The following ZNF334 variants were observed in gnomAD, a reference collection of about 807,000 sequenced individuals.
The protein encoded by ZNF334 is zinc finger protein 334.
ZNF334 carries 14 observed loss-of-function variants against 12.4 expected under a neutral mutation model. The observed-to-expected ratio is 1.13, with a 90% CI of 0.74 to 1.76. The LOEUF (loss-of-function observed/expected upper bound fraction) is 1.76. Among genes scored for constraint, ZNF334 ranks in the 40% most tolerant of loss-of-function variants. The pLI, the probability that ZNF334 is intolerant of heterozygous loss-of-function variation, is 0.00. For missense variants in ZNF334, 797 were observed against 804.5 expected (o/e 0.99, Z 0.11); for synonymous variants, 273 against 269.6 (o/e 1.01, Z -0.12).
At chr20:46,467,910 T>C in the ZNF334 span, among the ~76,000 whole-genome samples, 1 of 152,212 alleles carries the variant, frequency 6.6e-6, no homozygotes, top group African/African-American at 2.4e-5. Context: ...ATGGATTTGA[T>C]TGTTAAATGG....
In ZNF334 at chr20:46,502,029, T is replaced by C; in HGVS notation, c.1310A>G (p.Gln437Arg). The part of the protein sequence containing the change: ...HTGEKPYECS[Q>R]CGKFLCTKSA... ...TTTCGTACATAAAAATTTTCCACAT[T>C]GACTGCATTCATAGGGCTTCTCTCC... is the stretch of plus-strand genomic sequence containing the variant. Residue 437 changes from glutamine to arginine, a missense_variant, in exon 5 of 5, where the codon CAA (glutamine) becomes CGA (arginine). Coordinates refer to ENST00000692313, the MANE Select transcript of ZNF334 (RefSeq NM_001353824.2). 1 of 1,614,160 alleles carries C rather than the reference T, an allele frequency of 6.2e-7. No homozygotes were observed. The highest frequency in any genetic ancestry group is 8.5e-7 in the Non-Finnish European group (1 of 1,180,020).
intron 2 of ZNF334, 200 bp from the exon 3 acceptor site, chr20:46,504,940 T>A: frequency 2.2e-6 from 1 of 454,698 alleles, no homozygotes; most frequent in Non-Finnish European, 3.8e-6. Flanking sequence ...TTATACCATG[T>A]CCTGGAGCTA....
the ZNF334 span, chr20:46,465,079 C>T: frequency 3.5e-6 from 1 of 286,020 alleles, no homozygotes; most frequent in African/African-American, 2.3e-5. Flanking sequence ...CAGTTATGTC[C>T]TTCCTTACAA....
the ZNF334 span, among the ~76,000 whole-genome samples, chr20:46,488,297 T>C: frequency 2.0e-5 from 3 of 150,910 alleles, no homozygotes; most frequent in Non-Finnish European, 4.4e-5. Flanking sequence ...GCTGTAACTC[T>C]ATTTTAGTGG....
At chr20:46,494,927 C>T (rs1444271354), downstream of ZNF334, among the ~76,000 whole-genome samples, 1 of 152,170 alleles carries the variant, frequency 6.6e-6, no homozygotes. Flanking sequence ...AATTCCTAAA[C>T]CCAATGTCTC....
chr20:46,497,313 AC>A (rs1703373116), downstream of ZNF334, among the ~76,000 whole-genome samples: 1 of 152,256 alleles, frequency 6.6e-6, no homozygotes, highest in African/African-American at 2.4e-5. Flanking sequence ...TGGTCTAGAT[AC>A]GATGGAACAA....
At chr20:46,485,769 G>A in the ZNF334 span, 1 of 152,068 alleles carries the variant, frequency 6.6e-6, no homozygotes, top group Non-Finnish European at 1.5e-5. Flanking sequence ...TTTAAGCTAT[G>A]GGCATTTTGG....
rs60244401 is a variant in ZNF334, at chr20:46,511,053, T to G, written c.21+1029A>C. On this transcript the variant is annotated intron_variant, in intron 2 of 4. Coordinates refer to ENST00000692313, the MANE Select transcript of ZNF334 (RefSeq NM_001353824.2). ...AAAGAATAATGGGCTAACAATGGCA[T>G]AGCAATGTTCATGAAACAAAAGATT... Among the ~76,000 whole-genome samples, 1,363 of 151,864 alleles carry G rather than the reference T, an allele frequency of 9.0e-3. 21 individuals are homozygous for G. The highest frequency in any genetic ancestry group is 0.031 in the African/African-American group (1,295 of 41,394).
intron 2 of ZNF334, among the ~76,000 whole-genome samples, chr20:46,508,453 G>A (rs1049977829): frequency 7.2e-5 from 11 of 152,210 alleles, no homozygotes; most frequent in African/African-American, 2.2e-4. Context: ...GTGACGAGAT[G>A]GCTCCTGGCT....
chr20:46,501,274 G>T lies in ZNF334; in HGVS notation c.*22C>A. The stretch of plus-strand genomic sequence containing the variant: ...AGTTATTTGATTTGTTGCTTTGTTG[G>T]AATTTATTACTTTGTTGGAACTTAT... On this transcript the variant is annotated 3_prime_UTR_variant, in exon 5 of 5. Transcript: ENST00000692313. 6.3e-7 allele frequency: 1 copy of T among 1,593,026 alleles called. No homozygotes were observed. Among genetic ancestry groups the T allele is most frequent in the African/African-American group, 1.4e-5 (1 of 74,072 alleles).
At chr20:46,465,480 T>C in the ZNF334 span, among the ~76,000 whole-genome samples, 1 of 152,172 alleles carries the variant, frequency 6.6e-6, no homozygotes, top group Non-Finnish European at 1.5e-5. Flanking sequence ...GCAGGATCAC[T>C]TGAGACCAGG....
the ZNF334 span, among the ~76,000 whole-genome samples, chr20:46,463,521 T>G: frequency 2.0e-5 from 3 of 152,334 alleles, no homozygotes; most frequent in Non-Finnish European, 4.4e-5. Context: ...CTCCTATCCT[T>G]GGACCCCAAA....
the ZNF334 span, among the ~76,000 whole-genome samples, chr20:46,473,959 A>G: frequency 6.6e-6 from 1 of 152,234 alleles, no homozygotes; most frequent in Non-Finnish European, 1.5e-5. Flanking sequence ...TGGTTTGATG[A>G]TTAATTTTCA....
chr20:46,480,490 A>G, the ZNF334 span, among the ~76,000 whole-genome samples: 4 of 152,136 alleles, frequency 2.6e-5, no homozygotes, highest in Non-Finnish European at 5.9e-5. Flanking sequence ...CCCTTATCTC[A>G]GAGATTGAAG....
At chr20:46,486,652 A>G in the ZNF334 span, among the ~76,000 whole-genome samples, 1 of 152,160 alleles carries the variant, frequency 6.6e-6, no homozygotes, top group Non-Finnish European at 1.5e-5. Context: ...ATTCCTTCTG[A>G]CCCAAATCTC....
At position 46,500,524 on chromosome 20, in the gene ZNF334, A is replaced by T. The variant is rs2061119381; in HGVS notation, c.*772T>A. ...GTGGATATTACAGAATACTAAAACC[A>T]GAGAAATAAACACTTTTTGGATTCA... On this transcript the variant is annotated 3_prime_UTR_variant, in exon 5 of 5. Coordinates refer to ENST00000692313, the MANE Select transcript of ZNF334 (RefSeq NM_001353824.2). 6.6e-6 allele frequency: 1 copy of T among 152,216 alleles called. No homozygotes were observed. The highest frequency in any genetic ancestry group is 2.1e-4 in the South Asian group (1 of 4,834). The allele number at this position is 152,216 out of a possible 1,614,324, so 9.4% of individuals were successfully genotyped here. A position where few individuals can be genotyped will look rare whatever the true frequency, so the allele number is the denominator to read the frequency against.
chr20:46,491,161 A>G, the ZNF334 span: 5 of 152,920 alleles, frequency 3.3e-5, no homozygotes, highest in Non-Finnish European at 7.3e-5. Flanking sequence ...AGGTTATTCA[A>G]CATCAGAGCA....
the ZNF334 span, among the ~76,000 whole-genome samples, chr20:46,474,253 A>C: frequency 6.6e-6 from 1 of 152,050 alleles, no homozygotes; most frequent in Non-Finnish European, 1.5e-5. Context: ...TGTGCCTGTA[A>C]TCCCAGCTAC....
Position 46,512,134 on chromosome 20 carries a change from A to G in ZNF334, c.-32T>C. The G allele has an allele frequency of 1.2e-6, 2 of 1,613,530 alleles. No individual in the cohort carries two copies. Among genetic ancestry groups the G allele is most frequent in the Non-Finnish European group, 1.7e-6 (2 of 1,179,552 alleles). The stretch of plus-strand genomic sequence containing the variant: ...TTGAGAAAGGGCCAAGAGTGTTGAA[A>G]GCAGAGCTGGGTAAGGAAGAATGGC... On this transcript the variant is annotated 5_prime_UTR_variant, in exon 2 of 5. Transcript: ENST00000692313.
Sources: gnomAD v4.1 joint callset for allele counts (sites outside exome capture counted in the v4.1 genomes callset) on GRCh38, gnomAD v4.1.1 for gene constraint, MANE v1.5 for transcripts, NCBI Gene and HGNC (gene_info 2026-07-23, HGNC 2026-07-21) for gene names.